SOX5: variants seen among roughly 807,000 people sequenced by gnomAD.
SOX5 encodes transcription factor SOX-5.
Under a neutral mutation model 92.0 loss-of-function variants are expected in SOX5, and 9 were observed. The observed-to-expected ratio is 0.10, with a 90% CI of 0.06 to 0.17. SOX5 has a LOEUF of 0.17. Ranked by LOEUF, SOX5 falls within the 10% of genes least tolerant of loss-of-function variation. The pLI, the probability that SOX5 is intolerant of heterozygous loss-of-function variation, is 1.00. For missense variants in SOX5, 642 were observed against 944.5 expected, an observed-to-expected ratio of 0.68 and a Z score of 4.20; for synonymous variants, 344 against 336.3, an observed-to-expected ratio of 1.02 and a Z score of -0.25.
intron 7 of SOX5, among the ~76,000 whole-genome samples, chr12:23,645,391 G>T (rs1242081139): frequency 6.6e-6 from 1 of 152,056 alleles, no homozygotes; most frequent in African/African-American, 2.4e-5. Context: ...ACAAGGAGTT[G>T]GGAAACTTTT....
At chr12:24,343,663 G>T (rs886122164) in intron 2 of SOX5, among the ~76,000 whole-genome samples, 2 of 151,450 alleles carry the variant, frequency 1.3e-5, no homozygotes, top group East Asian at 1.9e-4. Context: ...CCAATCCCAA[G>T]GACAGTATAG....
chr12:23,671,855 C>A (rs1356237199), intron 6 of SOX5, among the ~76,000 whole-genome samples: 2 of 152,066 alleles, frequency 1.3e-5, no homozygotes, highest in Admixed American at 1.3e-4. Flanking sequence ...AAGACAAAGA[C>A]AAAGTAGCCA....
At chr12:23,895,208 CAAAAAAAAA>C (rs33970684) in intron 2 of SOX5, among the ~76,000 whole-genome samples, 4 of 91,326 alleles carry the variant, frequency 4.4e-5, no homozygotes, top group South Asian at 4.2e-4. Context: ...GAATAGGATG[CAAAAAAAAA>C]AAAAAAAAAA....
At chr12:24,080,753 T>C (rs768623191) in intron 4 of SOX5, among the ~76,000 whole-genome samples, 2 of 151,950 alleles carry the variant, frequency 1.3e-5, no homozygotes, top group Non-Finnish European at 2.9e-5. Flanking sequence ...CTATGGCACA[T>C]TGCTTAAACC....
At chr12:24,406,166 C>T (rs1962896111) in intron 1 of SOX5, among the ~76,000 whole-genome samples, 1 of 152,044 alleles carries the variant, frequency 6.6e-6, no homozygotes, top group African/African-American at 2.4e-5. Flanking sequence ...CAGGTGTGGG[C>T]CAGGTGTGAG....
intron 3 of SOX5, among the ~76,000 whole-genome samples, chr12:23,813,044 T>C (rs757518597): frequency 1.3e-5 from 2 of 152,206 alleles, no homozygotes; most frequent in Non-Finnish European, 2.9e-5. Flanking sequence ...GAAAATCTAA[T>C]TGTATTTCTA....
Position 23,599,355 on chromosome 12 carries a change from A to G in SOX5, c.1164+5032T>C, listed in dbSNP as rs1397850353. Among the ~76,000 whole-genome samples the G allele has an allele frequency of 3.9e-5, 6 of 152,366 alleles. No homozygotes were observed. The East Asian group carries it at 1.2e-3, about 29-fold the overall frequency. ...TATTTCTTTTCCTTGTCATACTCCCAGGTGCTACTGCTGAGCAAATGGGAA... is the reference window on the plus strand; with the variant it reads ...TATTTCTTTTCCTTGTCATACTCCCGGGTGCTACTGCTGAGCAAATGGGAA... On this transcript the variant is annotated intron_variant, in intron 9 of 14. Coordinates refer to ENST00000451604, the MANE Select transcript of SOX5 (RefSeq NM_006940.6).
chr12:23,913,167 C>G (rs1316080216), intron 1 of SOX5, among the ~76,000 whole-genome samples: 1 of 152,056 alleles, frequency 6.6e-6, no homozygotes. Context: ...ATCATATTTT[C>G]ATTGTTAATT....
At chr12:23,846,427 G>A (rs1265111677) in intron 2 of SOX5, among the ~76,000 whole-genome samples, 2 of 152,220 alleles carry the variant, frequency 1.3e-5, no homozygotes, top group Non-Finnish European at 1.5e-5. Context: ...AGTTTTCATG[G>A]TAGTACTAGA....
chr12:24,398,267 G>T (rs1450910354), intron 1 of SOX5, among the ~76,000 whole-genome samples: 1 of 152,174 alleles, frequency 6.6e-6, no homozygotes, highest in African/African-American at 2.4e-5. Flanking sequence ...CCTTTGGAAG[G>T]CCAAGGCGAG....
intron 1 of SOX5, among the ~76,000 whole-genome samples, chr12:24,398,006 T>A (rs971217668): frequency 1.3e-5 from 2 of 151,922 alleles, no homozygotes; most frequent in Non-Finnish European, 2.9e-5. Context: ...CCCGCCACCA[T>A]GCCTGACTAA....
chr12:23,661,306 A>G (rs1048391851), intron 7 of SOX5, among the ~76,000 whole-genome samples: 1 of 152,172 alleles, frequency 6.6e-6, no homozygotes, highest in African/African-American at 2.4e-5. Context: ...CTAGTAATAA[A>G]ACAATCATCT....
chr12:23,986,280 A>G (rs983145838), intron 4 of SOX5, among the ~76,000 whole-genome samples: 1 of 152,156 alleles, frequency 6.6e-6, no homozygotes, highest in Admixed American at 6.5e-5. Context: ...ACATGATGCT[A>G]GGTTTTCATG....
chr12:23,800,330 C>A (rs2095638233), intron 3 of SOX5, among the ~76,000 whole-genome samples: 1 of 151,828 alleles, frequency 6.6e-6, no homozygotes, highest in South Asian at 2.1e-4. Context: ...GATAGGAAAC[C>A]CTGATAAGGT....
intron 4 of SOX5, among the ~76,000 whole-genome samples, chr12:24,006,100 GA>G (rs917438550): frequency 2.0e-5 from 3 of 152,036 alleles, no homozygotes; most frequent in Admixed American, 6.6e-5. Flanking sequence ...TCTACAATGG[GA>G]AAAAATTATT....
chr12:24,090,385 TATA>T (rs1321579793), intron 4 of SOX5, among the ~76,000 whole-genome samples: 2 of 152,126 alleles, frequency 1.3e-5, no homozygotes, highest in Non-Finnish European at 2.9e-5. Flanking sequence ...CTTGTAGAAT[TATA>T]AAGTGCTCTT....
chr12:23,652,707 C>T (rs2081760970), intron 7 of SOX5, among the ~76,000 whole-genome samples: 2 of 151,944 alleles, frequency 1.3e-5, no homozygotes, highest in Admixed American at 1.3e-4. Flanking sequence ...ATCCCTTTCA[C>T]CCTCCACGGC....
chr12:24,365,340 G>A (rs971548763), intron 2 of SOX5, among the ~76,000 whole-genome samples: 2 of 152,070 alleles, frequency 1.3e-5, no homozygotes, highest in Non-Finnish European at 2.9e-5. Flanking sequence ...AGGAATCTAT[G>A]TAACAATAAA....
chr12:24,159,521 C>T (rs12816523), intron 4 of SOX5, among the ~76,000 whole-genome samples: 7,669 of 151,992 alleles, frequency 0.05, 199 homozygotes, highest in South Asian at 0.081. Context: ...TCACTTGGTT[C>T]TGAAACTCAA....
Sources: gnomAD v4.1 joint callset for allele counts (sites outside exome capture counted in the v4.1 genomes callset) on GRCh38, gnomAD v4.1.1 for gene constraint, MANE v1.5 for transcripts, NCBI Gene and HGNC (gene_info 2026-07-23, HGNC 2026-07-21) for gene names.